The following GHR variants were observed in gnomAD, a reference collection of about 807,000 sequenced individuals.
GHR encodes the protein growth hormone receptor.
In GHR, 35 loss-of-function variants were observed where a neutral mutation model predicts 67.1. The observed-to-expected ratio is 0.52, with a 90% CI of 0.40 to 0.69. The LOEUF (loss-of-function observed/expected upper bound fraction) is 0.69, where lower values mean the gene tolerates loss of function less well. GHR is among the 30% of genes least tolerant of loss of function. The probability of loss-of-function intolerance (pLI) is 0.00; values close to 1 mark genes in which losing one functional copy is unlikely to be tolerated. For synonymous variants in GHR, 272 were observed against 269.1 expected (o/e 1.01, Z -0.10); for missense variants, 792 against 764.6 (o/e 1.04, Z -0.42).
chr5:42,529,608 A>G (rs1353558030), intron 1 of GHR, among the ~76,000 whole-genome samples: 2 of 152,154 alleles, frequency 1.3e-5, no homozygotes, highest in East Asian at 1.9e-4. Flanking sequence ...TTAACGGCCT[A>G]TATAAAAAGT....
At chr5:42,698,240 T>C (rs2111729053) in intron 5 of GHR, among the ~76,000 whole-genome samples, 1 of 152,326 alleles carries the variant, frequency 6.6e-6, no homozygotes, top group South Asian at 2.1e-4. Context: ...TGTAATGGTA[T>C]CTCACAGGAG....
At chr5:42,522,477 A>G (rs914993989) in intron 1 of GHR, among the ~76,000 whole-genome samples, 2 of 152,158 alleles carry the variant, frequency 1.3e-5, no homozygotes, top group Non-Finnish European at 2.9e-5. Context: ...TCTCCTCAAT[A>G]TCAGCTACAG....
chr5:42,607,731 A>G (rs1026396928), intron 2 of GHR, among the ~76,000 whole-genome samples: 14 of 152,170 alleles, frequency 9.2e-5, no homozygotes, highest in African/African-American at 3.4e-4. Flanking sequence ...GGAAGACAAA[A>G]CAAAAGAAGA....
chr5:42,677,585 G>C (rs1354540229), intron 3 of GHR, among the ~76,000 whole-genome samples: 1 of 152,146 alleles, frequency 6.6e-6, no homozygotes, highest in Non-Finnish European at 1.5e-5. Flanking sequence ...GAGGGAAATA[G>C]CTGCCACAGT....
chr5:42,663,688 A>G lies in GHR; in HGVS notation c.137-25202A>G, dbSNP rs201792305. Among the ~76,000 whole-genome samples, 20 of 152,346 alleles carry G rather than the reference A, an allele frequency of 1.3e-4. No homozygotes were observed. The East Asian group carries it at 2.9e-3, about 22-fold the overall frequency. On this transcript the variant is annotated intron_variant, in intron 3 of 9. Coordinates refer to ENST00000230882, the MANE Select transcript of GHR (RefSeq NM_000163.5). ...CATTCCCTTTGAAAACTGGCACAAG[A>G]CAGGGATGACCTCTCTCACCACTCC...
At chr5:42,589,076 C>T (rs1751642088) in intron 2 of GHR, among the ~76,000 whole-genome samples, 2 of 152,094 alleles carry the variant, frequency 1.3e-5, no homozygotes, top group Non-Finnish European at 2.9e-5. Context: ...TTAGTGAAGC[C>T]ATGTTGACTC....
intron 6 of GHR, among the ~76,000 whole-genome samples, chr5:42,705,579 C>T (rs1263189098): frequency 6.6e-6 from 1 of 151,998 alleles, no homozygotes; most frequent in Middle Eastern, 3.2e-3. Context: ...CAGTAGGCCC[C>T]AGTATCTGTG....
At chr5:42,700,380 T>A (rs953047475) in intron 6 of GHR, among the ~76,000 whole-genome samples, 3 of 152,314 alleles carry the variant, frequency 2.0e-5, no homozygotes, top group East Asian at 3.9e-4. Flanking sequence ...TGATTTCAGT[T>A]GCTGCTACTC....
At chr5:42,557,140 T>A (rs1452696705) in intron 1 of GHR, among the ~76,000 whole-genome samples, 1 of 152,202 alleles carries the variant, frequency 6.6e-6, no homozygotes, top group Non-Finnish European at 1.5e-5. Flanking sequence ...CCCTAAAGTA[T>A]TTCCTGCACA....
At chr5:42,613,713 T>C (rs1181300498) in intron 2 of GHR, among the ~76,000 whole-genome samples, 1 of 152,046 alleles carries the variant, frequency 6.6e-6, no homozygotes, top group Non-Finnish European at 1.5e-5. Flanking sequence ...AATGTGAAAA[T>C]GATACAAAAT....
At chr5:42,595,225 A>G (rs972658004) in intron 2 of GHR, among the ~76,000 whole-genome samples, 1 of 152,224 alleles carries the variant, frequency 6.6e-6, no homozygotes, top group Non-Finnish European at 1.5e-5. Context: ...AAGCAGCCCT[A>G]TGAAATTTTT....
intron 1 of GHR, among the ~76,000 whole-genome samples, chr5:42,441,514 GTTT>G (rs35357870): frequency 2.0e-5 from 3 of 146,948 alleles, no homozygotes; most frequent in Admixed American, 1.4e-4. Context: ...TAAAGGAGGA[GTTT>G]TTTTTTTTTT....
At chr5:42,591,806 T>A (rs968781895) in intron 2 of GHR, among the ~76,000 whole-genome samples, 1 of 152,158 alleles carries the variant, frequency 6.6e-6, no homozygotes, top group African/African-American at 2.4e-5. Context: ...CTTAAACTGA[T>A]GTCCATTGAA....
At chr5:42,474,333 G>GAAAT (rs1554054643) in intron 1 of GHR, among the ~76,000 whole-genome samples, 2 of 149,106 alleles carry the variant, frequency 1.3e-5, no homozygotes, top group Non-Finnish European at 1.5e-5. Context: ...AAGAAAGAAA[G>GAAAT]AAAGAAAAGA....
Position 42,619,072 on chromosome 5 carries a change from G to T in GHR, c.71-9966G>T, listed in dbSNP as rs541260048. Reference sequence around the variant, plus strand: ...GTGAATTAAAGCCACATACCACATAGCTTAAGGACCCATCCCCAAGACCTC... The same window carrying T: ...GTGAATTAAAGCCACATACCACATATCTTAAGGACCCATCCCCAAGACCTC... On this transcript the variant is annotated intron_variant, in intron 2 of 9. Coordinates refer to ENST00000230882, the MANE Select transcript of GHR (RefSeq NM_000163.5). Among the ~76,000 whole-genome samples, 93 of 152,120 alleles carry T rather than the reference G, an allele frequency of 6.1e-4. 1 individual carries two copies. Among genetic ancestry groups the T allele is most frequent in the African/African-American group, 2.0e-3 (84 of 41,510 alleles).
intron 2 of GHR, among the ~76,000 whole-genome samples, chr5:42,605,090 C>CT (rs57499086): frequency 0.031 from 2,770 of 89,994 alleles, 140 homozygotes; most frequent in African/African-American, 0.06. Context: ...TGTGGTGCCT[C>CT]TTTTTTTTTT....
In GHR at chr5:42,636,070, C is replaced by G. The variant is rs375499126; in HGVS notation, c.136+6967C>G. Among the ~76,000 whole-genome samples, 13 of 151,660 alleles carry G rather than the reference C, an allele frequency of 8.6e-5. No individual in the cohort carries two copies. The East Asian group carries it at 1.8e-3, about 20-fold the overall frequency. ...CTAAAAATACAAAAAATTAGCCGGG[C>G]GTGGTGGCGGGCGCCTGTAGTCCCA... is the stretch of plus-strand genomic sequence containing the variant. On this transcript the variant is annotated intron_variant, in intron 3 of 9. Coordinates refer to ENST00000230882, the MANE Select transcript of GHR (RefSeq NM_000163.5).
At position 42,674,299 on chromosome 5, in the gene GHR, A is replaced by G. The variant is rs1756462794; in HGVS notation, c.137-14591A>G. Reference sequence around the variant, plus strand: ...AGAAAACTAAAATTATATTTTGTCAATTTTAGTGTTAAGTGTGATTTTTTG... The same window carrying G: ...AGAAAACTAAAATTATATTTTGTCAGTTTTAGTGTTAAGTGTGATTTTTTG... On this transcript the variant is annotated intron_variant, in intron 3 of 9. Coordinates refer to ENST00000230882, the MANE Select transcript of GHR (RefSeq NM_000163.5). Among the ~76,000 whole-genome samples the G allele has an allele frequency of 2.0e-5, 3 of 152,222 alleles. No homozygotes were observed. In the South Asian group the frequency reaches 6.2e-4, roughly 31 times the overall value.
At chr5:42,681,239 T>A (rs1425992779) in intron 3 of GHR, among the ~76,000 whole-genome samples, 2 of 142,720 alleles carry the variant, frequency 1.4e-5, no homozygotes, top group East Asian at 2.1e-4. Context: ...ATCCAGAATC[T>A]ACAAAGAACT....
Sources: gnomAD v4.1 joint callset for allele counts (sites outside exome capture counted in the v4.1 genomes callset) on GRCh38, gnomAD v4.1.1 for gene constraint, MANE v1.5 for transcripts, NCBI Gene and HGNC (gene_info 2026-07-23, HGNC 2026-07-21) for gene names.